The following FRMD4A variants were observed in gnomAD, a reference collection of about 807,000 sequenced individuals.
FRMD4A encodes FERM domain containing 4A.
In FRMD4A, 29 loss-of-function variants were observed where a neutral mutation model predicts 129.1. That is an observed-to-expected ratio of 0.22 (90% CI 0.17 to 0.31). The LOEUF (loss-of-function observed/expected upper bound fraction) is 0.31, where lower values mean the gene tolerates loss of function less well. Ranked by LOEUF, FRMD4A falls within the 10% of genes least tolerant of loss-of-function variation. FRMD4A has a pLI of 1.00. For missense variants in FRMD4A, 1,272 were observed against 1,375.8 expected, an observed-to-expected ratio of 0.92 and a Z score of 1.19; for synonymous variants, 634 against 571.6, an observed-to-expected ratio of 1.11 and a Z score of -1.56.
chr10:14,202,329 C>G (rs955123797), intron 2 of FRMD4A, among the ~76,000 whole-genome samples: 1 of 152,200 alleles, frequency 6.6e-6, no homozygotes, highest in Admixed American at 6.5e-5. Flanking sequence ...AGAAAAGCCT[C>G]TTTGGAGGGT....
At chr10:14,163,614 G>A (rs746473872) in intron 2 of FRMD4A, among the ~76,000 whole-genome samples, 16 of 152,244 alleles carry the variant, frequency 1.1e-4, no homozygotes, top group Admixed American at 4.6e-4. Context: ...CACTCGTTAC[G>A]AGCACTTAAT....
intron 3 of FRMD4A, among the ~76,000 whole-genome samples, chr10:13,845,122 G>C (rs1459823136): frequency 6.6e-6 from 1 of 152,162 alleles, no homozygotes; most frequent in Non-Finnish European, 1.5e-5. Context: ...TTGAAATCAT[G>C]TTTTCTATTT....
At chr10:14,170,241 A>C (rs755100444) in intron 2 of FRMD4A, among the ~76,000 whole-genome samples, 2 of 152,214 alleles carry the variant, frequency 1.3e-5, no homozygotes, top group Non-Finnish European at 2.9e-5. Context: ...TGATCAGGAA[A>C]GACAATTCTT....
Position 14,128,045 on chromosome 10 carries a change from CCTCTTTCTTTCTTTCTT to C in FRMD4A, c.45+201996_45+202012del, listed in dbSNP as rs1564319955. ...CTTCCTTCCTTCCTTCCTTTCTTTCCCTCTTTCTTTCTTTCTTTCTTTCTTTCTTTCTTTCTTTCTTT... is the reference window on the plus strand; with the variant it reads ...CTTCCTTCCTTCCTTCCTTTCTTTCCTCTTTCTTTCTTTCTTTCTTTCTTT... On this transcript the variant is annotated intron_variant, in intron 2 of 24. Transcript: ENST00000357447. Among the ~76,000 whole-genome samples the C allele has an allele frequency of 1.0e-3, 77 of 75,560 alleles. 2 individuals carry two copies. The highest frequency in any genetic ancestry group is 2.0e-3 in the African/African-American group (35 of 17,926). 49.6% of individuals were successfully genotyped at this position (75,560 alleles called of 152,430 possible). A position where few individuals can be genotyped will look rare whatever the true frequency, so the allele number is the denominator to read the frequency against.
At chr10:13,838,650 G>A (rs1185491251) in intron 3 of FRMD4A, among the ~76,000 whole-genome samples, 2 of 151,974 alleles carry the variant, frequency 1.3e-5, no homozygotes, top group African/African-American at 2.4e-5. Flanking sequence ...GTGCCACCAC[G>A]CCCAGCTAAT....
intron 2 of FRMD4A, among the ~76,000 whole-genome samples, chr10:14,001,152 T>A (rs1199302805): frequency 6.6e-6 from 1 of 152,188 alleles, no homozygotes; most frequent in East Asian, 1.9e-4. Flanking sequence ...GTTCTCAGTG[T>A]TGGCTGCAGG....
chr10:13,689,424 T>C (rs1589387226), intron 15 of FRMD4A, among the ~76,000 whole-genome samples: 1 of 151,870 alleles, frequency 6.6e-6, no homozygotes, highest in East Asian at 1.9e-4. Context: ...ACTTTAAAGG[T>C]CTCATACCAG....
At chr10:13,788,935 T>C (rs1410786192) in intron 5 of FRMD4A, among the ~76,000 whole-genome samples, 1 of 152,026 alleles carries the variant, frequency 6.6e-6, no homozygotes, top group Non-Finnish European at 1.5e-5. Context: ...CCTCCTCCAT[T>C]CTCCCTGCTC....
intron 2 of FRMD4A, among the ~76,000 whole-genome samples, chr10:14,262,780 G>A (rs150371653): frequency 6.6e-6 from 1 of 152,194 alleles, no homozygotes; most frequent in Non-Finnish European, 1.5e-5. Flanking sequence ...CATCTTGGGG[G>A]CCTCAGACCA....
Position 14,017,797 on chromosome 10 carries a change from C to G in FRMD4A, c.46-158885G>C, listed in dbSNP as rs148947535. 5.9e-5 allele frequency among the ~76,000 whole-genome samples: 9 copies of G among 152,222 alleles called. No homozygotes were observed. The East Asian group carries it at 1.7e-3, about 29-fold the overall frequency. ...GGATGAGTCACGTGGTATATTTTCC[C>G]AAAGTGAGGAAGGAAGAAAAGAAAG... On this transcript the variant is annotated intron_variant, in intron 2 of 24. Coordinates refer to ENST00000357447, the MANE Select transcript of FRMD4A (RefSeq NM_018027.5).
intron 2 of FRMD4A, among the ~76,000 whole-genome samples, chr10:13,982,350 G>C (rs2095564856): frequency 6.6e-6 from 1 of 151,964 alleles, no homozygotes; most frequent in Admixed American, 6.6e-5. Flanking sequence ...GGGCACGGTG[G>C]CATGCGCCTG....
At chr10:13,814,160 G>A (rs1265095805) in intron 3 of FRMD4A, among the ~76,000 whole-genome samples, 1 of 152,100 alleles carries the variant, frequency 6.6e-6, no homozygotes, top group Non-Finnish European at 1.5e-5. Flanking sequence ...GGAGGAATGG[G>A]TGATTATGCC....
At chr10:14,109,532 C>T (rs1837767899) in intron 2 of FRMD4A, among the ~76,000 whole-genome samples, 1 of 152,198 alleles carries the variant, frequency 6.6e-6, no homozygotes, top group Non-Finnish European at 1.5e-5. Flanking sequence ...TAAATTTGAA[C>T]ATATTCTCCT....
At chr10:13,961,106 C>G (rs1424452055) in intron 2 of FRMD4A, among the ~76,000 whole-genome samples, 1 of 152,064 alleles carries the variant, frequency 6.6e-6, no homozygotes, top group African/African-American at 2.4e-5. Context: ...GTAAGTGGAC[C>G]CTTAGCCAGA....
intron 12 of FRMD4A, among the ~76,000 whole-genome samples, chr10:13,736,977 C>T (rs1365095672): frequency 1.3e-5 from 2 of 152,152 alleles, no homozygotes; most frequent in African/African-American, 2.4e-5. Context: ...CTTTGCAAAC[C>T]GTTTTCTGTT....
At chr10:14,238,260 G>A (rs1843901900) in intron 2 of FRMD4A, among the ~76,000 whole-genome samples, 1 of 152,178 alleles carries the variant, frequency 6.6e-6, no homozygotes, top group South Asian at 2.1e-4. Context: ...CAAGTTTCTA[G>A]GAGAAGTAGA....
At chr10:14,106,345 T>C (rs1223776611) in intron 2 of FRMD4A, among the ~76,000 whole-genome samples, 2 of 152,208 alleles carry the variant, frequency 1.3e-5, no homozygotes, top group South Asian at 2.1e-4. Context: ...CTTTGCTTCC[T>C]GGTGTGACCA....
intron 16 of FRMD4A, 73 bp downstream of exon 16, chr10:13,674,838 C>G: frequency 6.8e-7 from 1 of 1,476,794 alleles, no homozygotes; most frequent in Non-Finnish European, 9.4e-7. Flanking sequence ...TCAAAAAGAT[C>G]AAATGACATC....
chr10:14,060,655 AT>A, intron 2 of FRMD4A, among the ~76,000 whole-genome samples: 1 of 152,322 alleles, frequency 6.6e-6, no homozygotes, highest in South Asian at 2.1e-4. Context: ...CAAATGCCTC[AT>A]TTTCAAAAGA....
Sources: allele counts gnomAD v4.1 joint callset (sites outside exome capture counted in the v4.1 genomes callset), GRCh38; gene constraint gnomAD v4.1.1; transcripts MANE v1.5; gene names NCBI Gene and HGNC (gene_info 2026-07-23, HGNC 2026-07-21).